The following NDE1 variants were observed in gnomAD, a reference collection of about 807,000 sequenced individuals.
NDE1 encodes nuclear distribution protein nudE homolog 1.
In NDE1, 28 loss-of-function variants were observed where a neutral mutation model predicts 43.4. That is an observed-to-expected ratio of 0.65 (90% CI 0.48 to 0.89). The LOEUF is 0.89. Among genes scored for constraint, NDE1 ranks in the 40% least tolerant of loss-of-function variants. The pLI is 0.00. For synonymous variants in NDE1, 184 were observed against 172.0 expected, an observed-to-expected ratio of 1.07 and a Z score of -0.55; for missense variants, 441 against 434.1, an observed-to-expected ratio of 1.02 and a Z score of -0.14.
rs956302337 is a variant in NDE1 at position 15,691,009 on chromosome 16, T to C, written c.524-135T>C. ...TTTCAATAGAGATGAGGTTTCACCA[T>C]GTTGGTCAGGCTGGTCTCGAACTCC... On this transcript the variant is annotated intron_variant, in intron 5 of 8. Coordinates refer to ENST00000396354, the MANE Select transcript of NDE1 (RefSeq NM_017668.3). 36 of 970,512 alleles carry C rather than the reference T, an allele frequency of 3.7e-5. No homozygotes were observed. In the Admixed American group the frequency reaches 3.8e-4, roughly 10 times the overall value. 60.1% of individuals were successfully genotyped at this position (970,512 alleles called of 1,614,324 possible).
Position 15,725,285 on chromosome 16 carries a change from C to A in NDE1, c.*1034C>A. Reference sequence around the variant, plus strand: ...AATGGTATTGACTGGGACCTGATCCCACTAAATGGATCCTAGATCCCTGCC... The same window carrying A: ...AATGGTATTGACTGGGACCTGATCCAACTAAATGGATCCTAGATCCCTGCC... On this transcript the variant is annotated 3_prime_UTR_variant, in exon 9 of 9. Transcript: ENST00000396354. The A allele has an allele frequency of 1.7e-6, 1 of 580,556 alleles. No homozygotes were observed. The highest frequency in any genetic ancestry group is 3.0e-6 in the Non-Finnish European group (1 of 328,086). The allele number at this position is 580,556 out of a possible 1,614,324, so 36.0% of individuals were successfully genotyped here.
intron 8 of NDE1, chr16:15,700,152 G>T (rs1181297345): frequency 9.6e-7 from 1 of 1,038,838 alleles, no homozygotes. Context: ...GCTGGAGTGT[G>T]GTGGCGTGAT....
In NDE1 at chr16:15,694,211, GAT is replaced by G; in HGVS notation, c.753_754del (p.Ala253ProfsTer61). ...GGACCCCCCTCACACCTGCGGCCCG[GAT>G]ATCAGCCCTCAACATTGTGGGAGAC... Reference protein sequence around the residue: ...GGTPLTPAARISALNIVGDLL... With the variant: ...GGTPLTPAARXSALNIVGDLL... On this transcript the variant is annotated frameshift_variant, in exon 7 of 9. Transcript: ENST00000396354. LOFTEE classifies it high-confidence loss of function. The G allele has an allele frequency of 6.2e-7, 1 of 1,613,554 alleles. No homozygotes were observed. The highest frequency in any genetic ancestry group is 1.7e-5 in the Admixed American group (1 of 60,026).
chr16:15,694,053 C>A, intron 6 of NDE1, 112 bp from the exon 7 acceptor site: 1 of 1,270,388 alleles, frequency 7.9e-7, no homozygotes. Flanking sequence ...TTTTGGGATC[C>A]GAGGAAAGGC....
At chr16:15,702,783 A>G (rs2039265314) in intron 8 of NDE1, among the ~76,000 whole-genome samples, 1 of 152,098 alleles carries the variant, frequency 6.6e-6, no homozygotes. Context: ...AATCAAGGAA[A>G]TCCTGTATTT....
At chr16:15,669,110 T>G (rs1471758428) in intron 3 of NDE1, among the ~76,000 whole-genome samples, 6 of 151,626 alleles carry the variant, frequency 4.0e-5, no homozygotes, top group Non-Finnish European at 7.4e-5. Flanking sequence ...CCGTGTTAGC[T>G]AGGATGGTCT....
chr16:15,652,185 A>G (rs2036537800), intron 1 of NDE1: 1 of 152,146 alleles, frequency 6.6e-6, no homozygotes, highest in Non-Finnish European at 1.5e-5. Flanking sequence ...GGCATGAGCC[A>G]CTGCACCCGA....
At position 15,720,191 on chromosome 16, in the gene NDE1, T is replaced by C. The variant is rs773307101; in HGVS notation, c.948-4000T>C. On this transcript the variant is annotated intron_variant, in intron 8 of 8. Transcript: ENST00000396354. ...CTGCTTGATGGCTTCCTCCCTCCCCTTGATGGCAGAGTCGGCCTGAAGCTC... is the reference window on the plus strand; with the variant it reads ...CTGCTTGATGGCTTCCTCCCTCCCCCTGATGGCAGAGTCGGCCTGAAGCTC... The C allele has an allele frequency of 6.2e-7, 1 of 1,614,120 alleles. No homozygotes were observed. The highest frequency in any genetic ancestry group is 2.2e-5 in the East Asian group (1 of 44,874).
intron 6 of NDE1, among the ~76,000 whole-genome samples, chr16:15,692,044 C>A (rs140535923): frequency 6.6e-6 from 1 of 152,036 alleles, no homozygotes; most frequent in Non-Finnish European, 1.5e-5. Context: ...GAGCTAGACT[C>A]AGCGTAACGT....
At chr16:15,694,386 C>G (rs1309300184) in intron 7 of NDE1, 130 bp downstream of exon 7, 3 of 1,532,682 alleles carry the variant, frequency 2.0e-6, no homozygotes, top group Non-Finnish European at 2.6e-6. Context: ...TGCTCTGTTG[C>G]TCAGGCTGGA....
At chr16:15,694,515 C>T (rs2038918073) in intron 7 of NDE1, 2 of 775,222 alleles carry the variant, frequency 2.6e-6, no homozygotes, top group African/African-American at 1.9e-5. Flanking sequence ...CTGGCTGATA[C>T]TTTCATTTTT....
At chr16:15,645,023 G>A (rs1176444946) in intron 1 of NDE1, among the ~76,000 whole-genome samples, 2 of 149,758 alleles carry the variant, frequency 1.3e-5, no homozygotes, top group South Asian at 2.1e-4. Flanking sequence ...GGGTTCAACC[G>A]ATTCTCATGC....
chr16:15,667,139 G>A lies in NDE1; in HGVS notation c.84-147G>A, dbSNP rs761234244. On this transcript the variant is annotated intron_variant, in intron 2 of 8. Transcript: ENST00000396354. ...CGCATGCCTGTAGTCCCAGCTACTC[G>A]GGAGACTGAGGCAGGAGAATCGCTT... 4.1e-5 allele frequency: 37 copies of A among 910,056 alleles called. No homozygotes were observed. The Admixed American group carries it at 5.1e-4, about 13-fold the overall frequency. 56.4% of individuals were successfully genotyped at this position (910,056 alleles called of 1,614,324 possible).
chr16:15,721,184 C>T (rs1355756419), intron 8 of NDE1: 6 of 1,050,878 alleles, frequency 5.7e-6, no homozygotes, highest in Non-Finnish European at 7.1e-6. Flanking sequence ...GGCCGGGACT[C>T]AAGATGACCC....
intron 8 of NDE1, chr16:15,699,779 C>T (rs186540635): frequency 1.0e-5 from 14 of 1,351,430 alleles, no homozygotes; most frequent in South Asian, 9.1e-5. Context: ...ATGTCTTCAT[C>T]GCCGCTGCCG....
chr16:15,716,279 G>C (rs1028175513), intron 8 of NDE1, among the ~76,000 whole-genome samples: 1 of 152,040 alleles, frequency 6.6e-6, no homozygotes, highest in African/African-American at 2.4e-5. Flanking sequence ...AATGACTGTG[G>C]TGATCGTTTT....
chr16:15,687,781 T>A (rs1205071967), intron 5 of NDE1, among the ~76,000 whole-genome samples: 1 of 152,222 alleles, frequency 6.6e-6, no homozygotes, highest in Non-Finnish European at 1.5e-5. Flanking sequence ...GAAGTCCTTG[T>A]ATTGGGATTC....
intron 3 of NDE1, among the ~76,000 whole-genome samples, chr16:15,669,520 C>T (rs977427915): frequency 1.3e-5 from 2 of 152,060 alleles, no homozygotes; most frequent in Non-Finnish European, 2.9e-5. Context: ...CACCGCCATG[C>T]CTGGCTAATT....
intron 1 of NDE1, among the ~76,000 whole-genome samples, chr16:15,651,214 G>T (rs1042327658): frequency 1.3e-5 from 2 of 152,080 alleles, no homozygotes. Flanking sequence ...TTTCTACTTT[G>T]AGCCTCAGGC....
Sources: gnomAD v4.1 joint callset for allele counts (sites outside exome capture counted in the v4.1 genomes callset) on GRCh38, gnomAD v4.1.1 for gene constraint, MANE v1.5 for transcripts, NCBI Gene and HGNC (gene_info 2026-07-23, HGNC 2026-07-21) for gene names.